The following PAX5 variants were observed in gnomAD, a reference collection of about 807,000 sequenced individuals.
PAX5 encodes the protein paired box 5, also known as paired box protein Pax-5.
PAX5 carries 9 observed loss-of-function variants against 43.7 expected under a neutral mutation model. The ratio of observed to expected loss-of-function variants is 0.21; its 90% CI spans 0.12 to 0.36. The LOEUF is 0.36. PAX5 is among the 10% of genes least tolerant of loss of function. The pLI, the probability that PAX5 is intolerant of heterozygous loss-of-function variation, is 1.00. For synonymous variants in PAX5, 228 were observed against 214.3 expected, an observed-to-expected ratio of 1.06 and a Z score of -0.56; for missense variants, 383 against 532.7, an observed-to-expected ratio of 0.72 and a Z score of 2.77.
At chr9:36,846,742 G>T in intron 9 of PAX5, 101 bp downstream of exon 9, 1 of 767,224 alleles carries the variant, frequency 1.3e-6, no homozygotes, top group Non-Finnish European at 2.2e-6. Context: ...ACCCACCTCA[G>T]TGACCAGACC....
At position 36,833,958 on chromosome 9, in the gene PAX5, G is replaced by C. The variant is rs146478390; in HGVS notation, c.*6602C>G. On this transcript the variant is annotated 3_prime_UTR_variant, in exon 10 of 10. Coordinates refer to ENST00000358127, the MANE Select transcript of PAX5 (RefSeq NM_016734.3). ...ATATGTATTTCTTTGATGCTGAAAG[G>C]TCAGTCCCTAAGACAAAATCAAATG... 4.3e-6 allele frequency: 1 copy of C among 232,750 alleles called. No individual in the cohort carries two copies. Among genetic ancestry groups the C allele is most frequent in the East Asian group, 6.0e-5 (1 of 16,542 alleles). 14.4% of individuals were successfully genotyped at this position (232,750 alleles called of 1,614,324 possible).
At chr9:37,026,680 G>A (rs531642604) in intron 1 of PAX5, 4 of 1,327,362 alleles carry the variant, frequency 3.0e-6, no homozygotes, top group East Asian at 7.2e-5. Flanking sequence ...CACTGTGCGA[G>A]CTGGGCTCAG....
chr9:36,932,387 A>G (rs765137041), intron 6 of PAX5, among the ~76,000 whole-genome samples: 2 of 152,282 alleles, frequency 1.3e-5, no homozygotes, highest in Non-Finnish European at 2.9e-5. Flanking sequence ...ATATCTACAC[A>G]ATGGAATACT....
At chr9:36,869,266 A>G (rs1276437594) in intron 8 of PAX5, among the ~76,000 whole-genome samples, 1 of 152,184 alleles carries the variant, frequency 6.6e-6, no homozygotes, top group East Asian at 1.9e-4. Flanking sequence ...AGACTGCAGT[A>G]AGTACAGGAG....
At chr9:37,003,568 G>A (rs570041080) in intron 4 of PAX5, among the ~76,000 whole-genome samples, 1 of 152,254 alleles carries the variant, frequency 6.6e-6, no homozygotes, top group South Asian at 2.1e-4. Context: ...CCTGGTGCCG[G>A]GGCTCACGCC....
chr9:37,014,744 C>T (rs1012150301), intron 3 of PAX5, among the ~76,000 whole-genome samples: 12 of 152,146 alleles, frequency 7.9e-5, no homozygotes, highest in Non-Finnish European at 1.8e-4. Context: ...TAACTCTGGG[C>T]TCAGAAGAAA....
intron 8 of PAX5, among the ~76,000 whole-genome samples, chr9:36,852,003 G>A (rs1823209208): frequency 6.6e-6 from 1 of 152,196 alleles, no homozygotes; most frequent in Non-Finnish European, 1.5e-5. Context: ...CAAGCTGTGT[G>A]GCTTTGGGTA....
chr9:36,868,135 C>A (rs755163422), intron 8 of PAX5, among the ~76,000 whole-genome samples: 8 of 152,186 alleles, frequency 5.3e-5, no homozygotes, highest in Non-Finnish European at 1.0e-4. Context: ...ATTGTCTCAG[C>A]GTCTTCCTGC....
intron 6 of PAX5, among the ~76,000 whole-genome samples, chr9:36,960,820 A>G (rs1833911681): frequency 6.6e-6 from 1 of 151,966 alleles, no homozygotes; most frequent in African/African-American, 2.4e-5. Context: ...CCCTGCCCAC[A>G]CCTGCATTCC....
At chr9:37,019,865 C>G (rs1018109459) in intron 2 of PAX5, among the ~76,000 whole-genome samples, 15 of 152,254 alleles carry the variant, frequency 9.9e-5, no homozygotes, top group Admixed American at 9.2e-4. Flanking sequence ...CATTGCAACC[C>G]GGGTACTGCC....
At chr9:37,006,114 A>G (rs1838364781) in intron 4 of PAX5, among the ~76,000 whole-genome samples, 1 of 152,178 alleles carries the variant, frequency 6.6e-6, no homozygotes, top group Admixed American at 6.5e-5. Flanking sequence ...ATTCAAAACT[A>G]CTTACTGACT....
intron 6 of PAX5, among the ~76,000 whole-genome samples, chr9:36,949,220 C>T (rs1832804051): frequency 7.2e-6 from 1 of 139,778 alleles, no homozygotes; most frequent in Non-Finnish European, 1.6e-5. Flanking sequence ...GCCACCACGC[C>T]TGGCTAATTT....
intron 8 of PAX5, among the ~76,000 whole-genome samples, chr9:36,862,257 G>A (rs893631414): frequency 6.6e-6 from 1 of 152,146 alleles, no homozygotes; most frequent in African/African-American, 2.4e-5. Context: ...ACTGAGGAGG[G>A]GTGTGGGTGC....
intron 7 of PAX5, among the ~76,000 whole-genome samples, chr9:36,910,012 G>A (rs187044280): frequency 2.0e-5 from 3 of 151,670 alleles, no homozygotes; most frequent in Non-Finnish European, 2.9e-5. Context: ...TTGTAGAGAC[G>A]GGGTTTCACC....
rs1363566246 is a variant in PAX5 at position 36,838,349 on chromosome 9, A to G, written c.*2211T>C. ...TGTCAACTCTCCTCAGGAATAGGAG[A>G]TGTGGATAGACCAGGGTGACAGGGA... On this transcript the variant is annotated 3_prime_UTR_variant, in exon 10 of 10. Transcript: ENST00000358127. 7 of 232,176 alleles carry G rather than the reference A, an allele frequency of 3.0e-5. 1 individual carries two copies. Among genetic ancestry groups the G allele is most frequent in the Non-Finnish European group, 6.0e-5 (7 of 117,538 alleles). The allele number at this position is 232,176 out of a possible 1,614,324, so 14.4% of individuals were successfully genotyped here.
intron 6 of PAX5, among the ~76,000 whole-genome samples, chr9:36,954,700 T>G (rs1833306735): frequency 1.3e-5 from 2 of 152,222 alleles, no homozygotes; most frequent in Admixed American, 1.3e-4. Context: ...TATTTTTATT[T>G]AACTTGCTTG....
At chr9:36,878,962 G>A (rs149986709) in intron 8 of PAX5, among the ~76,000 whole-genome samples, 215 of 152,328 alleles carry the variant, frequency 1.4e-3, no homozygotes, top group African/African-American at 4.6e-3. Flanking sequence ...AGGAAAAGAC[G>A]GAGGAAGAGG....
chr9:36,966,572 T>C lies in PAX5; in HGVS notation c.757A>G (p.Thr253Ala). The C allele has an allele frequency of 6.2e-7, 1 of 1,614,028 alleles. No individual in the cohort carries two copies. The highest frequency in any genetic ancestry group is 8.5e-7 in the Non-Finnish European group (1 of 1,179,964). The change falls in exon 6 of 10, where the codon ACA becomes GCA. Residue 253 changes from threonine to alanine, a missense_variant. By Grantham distance (58) the Thr-to-Ala change is moderately conservative. Transcript: ENST00000358127. ...RQHYSDIFTT[T>A]EPIKPEQTTE... is the part of the protein sequence containing the mutation. Reference sequence around the variant, plus strand: ...ACCTGCTCGGGCTTGATGGGCTCTGTGGTGGTGAAGATGTCTGAGTAGTGC... The same window carrying C: ...ACCTGCTCGGGCTTGATGGGCTCTGCGGTGGTGAAGATGTCTGAGTAGTGC...
chr9:37,011,516 G>A (rs1039680690), intron 3 of PAX5, among the ~76,000 whole-genome samples: 15 of 152,122 alleles, frequency 9.9e-5, no homozygotes, highest in African/African-American at 3.6e-4. Context: ...TCAACCCACC[G>A]TTTGGGTCAG....
Sources: gnomAD v4.1 joint callset for allele counts (sites outside exome capture counted in the v4.1 genomes callset) on GRCh38, gnomAD v4.1.1 for gene constraint, MANE v1.5 for transcripts, NCBI Gene and HGNC (gene_info 2026-07-23, HGNC 2026-07-21) for gene names.